The following EIF3E variants were observed in gnomAD, a reference collection of about 807,000 sequenced individuals.
EIF3E encodes eIF-3 p48.
A neutral mutation model predicts 59.3 loss-of-function variants in EIF3E; 25 were observed. The ratio of observed to expected loss-of-function variants is 0.42; its 90% CI spans 0.31 to 0.59. The LOEUF is 0.59. Among genes scored for constraint, EIF3E ranks in the 20% least tolerant of loss-of-function variants. The pLI is 0.15. For synonymous variants in EIF3E, 176 were observed against 170.2 expected (o/e 1.03, Z -0.26); for missense variants, 317 against 534.3 (o/e 0.59, Z 4.01).
chr8:108,243,739 G>T, intron 1 of EIF3E, among the ~76,000 whole-genome samples: 1 of 146,202 alleles, frequency 6.8e-6, no homozygotes, highest in Non-Finnish European at 1.5e-5. Context: ...AAAAAAATAT[G>T]TATCATTGAC....
At chr8:108,242,051 G>C (rs1815848455) in intron 1 of EIF3E, 138 bp from the exon 2 acceptor site, 4 of 1,269,574 alleles carry the variant, frequency 3.2e-6, no homozygotes, top group Non-Finnish European at 4.3e-6. Context: ...TTCCCCTCTT[G>C]TAATAATGGC....
chr8:108,220,251 G>C (rs1204358833), intron 7 of EIF3E, among the ~76,000 whole-genome samples: 1 of 152,078 alleles, frequency 6.6e-6, no homozygotes, highest in Non-Finnish European at 1.5e-5. Context: ...CATTTAGAAA[G>C]ACATGTACAA....
rs762263369 is a variant in EIF3E at position 108,248,678 on chromosome 8, G to A, written c.25C>T (p.Arg9Cys). 4 of 1,614,058 alleles carry A rather than the reference G, an allele frequency of 2.5e-6. No homozygotes were observed. The highest frequency in any genetic ancestry group is 3.3e-5 in the Admixed American group (2 of 60,002). ...TGCCGATCCAAAAAGTGCGCGATGC[G>A]AGTAGTCAAGTCGTACTCCGCCATC... MAEYDLTT[R>C]IAHFLDRHLV... is the part of the protein sequence containing the mutation. The change falls in exon 1 of 13, where the codon CGC (arginine) becomes TGC (cysteine). Residue 9 changes from arginine to cysteine, a missense_variant. Arg to Cys is a radical substitution (Grantham distance 180, BLOSUM62 -3). Coordinates refer to ENST00000220849, the MANE Select transcript of EIF3E (RefSeq NM_001568.3).
In EIF3E at chr8:108,248,684, T is replaced by C. The variant is rs764872968; in HGVS notation, c.19A>G (p.Thr7Ala). ...TCCAAAAAGTGCGCGATGCGAGTAGTCAAGTCGTACTCCGCCATCTTGCCA... is the reference window on the plus strand; with the variant it reads ...TCCAAAAAGTGCGCGATGCGAGTAGCCAAGTCGTACTCCGCCATCTTGCCA... MAEYDL[T>A]TRIAHFLDRH... is the part of the protein sequence containing the mutation. Residue 7 changes from threonine (T) to alanine (A), a missense_variant, in exon 1 of 13, where the codon ACT (threonine) becomes GCT (alanine). Physicochemically the swap from Thr to Ala is moderately conservative, Grantham distance 58. Coordinates refer to ENST00000220849, the MANE Select transcript of EIF3E (RefSeq NM_001568.3). 1 of 1,614,138 alleles carries C rather than the reference T, an allele frequency of 6.2e-7. No homozygotes were observed. The highest frequency in any genetic ancestry group is 2.2e-5 in the East Asian group (1 of 44,874).
intron 10 of EIF3E, among the ~76,000 whole-genome samples, chr8:108,204,782 CAG>C (rs1180539617): frequency 0.028 from 3,114 of 112,990 alleles, 150 homozygotes; most frequent in African/African-American, 0.1. Context: ...GAGAGAGAGA[CAG>C]AGAGAGAGAG....
At chr8:108,247,513 T>C (rs1424910284) in intron 1 of EIF3E, among the ~76,000 whole-genome samples, 2 of 152,226 alleles carry the variant, frequency 1.3e-5, no homozygotes, top group African/African-American at 2.4e-5. Flanking sequence ...AGCCGTTACC[T>C]AACGTCAACA....
rs567214767 is a variant in EIF3E, at chr8:108,201,714, T to G, written c.*171A>C. On this transcript the variant is annotated 3_prime_UTR_variant, in exon 13 of 13. Coordinates refer to ENST00000220849, the MANE Select transcript of EIF3E (RefSeq NM_001568.3). ...AAAAGAAAGTTAAAAAAACACAAACTTGCACATGCAAGAAAACTGACAGCA... is the reference window on the plus strand; with the variant it reads ...AAAAGAAAGTTAAAAAAACACAAACGTGCACATGCAAGAAAACTGACAGCA... 5.1e-6 allele frequency: 3 copies of G among 583,284 alleles called. No homozygotes were observed. In the African/African-American group the frequency reaches 5.9e-5, roughly 11 times the overall value. The allele number at this position is 583,284 out of a possible 1,614,324, so 36.1% of individuals were successfully genotyped here. A position where few individuals can be genotyped will look rare whatever the true frequency, so the allele number is the denominator to read the frequency against.
At chr8:108,214,773 T>C in intron 9 of EIF3E, 57 bp from the exon 10 acceptor site, 1 of 1,420,590 alleles carries the variant, frequency 7.0e-7, no homozygotes, top group Non-Finnish European at 9.7e-7. Flanking sequence ...GCCTGAAACG[T>C]GAATCAAATA....
intron 1 of EIF3E, chr8:108,242,325 C>G: frequency 4.7e-6 from 6 of 1,289,704 alleles, no homozygotes; most frequent in Non-Finnish European, 6.1e-6. Context: ...ATATGCTTCT[C>G]CATCCACATT....
intron 10 of EIF3E, among the ~76,000 whole-genome samples, chr8:108,209,858 T>C (rs1223835357): frequency 6.6e-6 from 1 of 152,130 alleles, no homozygotes; most frequent in East Asian, 1.9e-4. Flanking sequence ...AAAGAGCAGC[T>C]TGAAGGATCC....
intron 1 of EIF3E, among the ~76,000 whole-genome samples, chr8:108,248,034 G>C (rs1032512198): frequency 1.4e-5 from 2 of 137,958 alleles, no homozygotes; most frequent in African/African-American, 5.2e-5. Context: ...CTGGGGGGGG[G>C]GGCGGGGGAG....
chr8:108,207,744 C>A (rs916346004), intron 10 of EIF3E, among the ~76,000 whole-genome samples: 9 of 152,186 alleles, frequency 5.9e-5, no homozygotes, highest in Non-Finnish European at 5.9e-5. Context: ...ACACAAAACA[C>A]AACATCGAAT....
At chr8:108,224,912 A>C (rs1481592672) in intron 7 of EIF3E, among the ~76,000 whole-genome samples, 1 of 151,572 alleles carries the variant, frequency 6.6e-6, no homozygotes, top group Non-Finnish European at 1.5e-5. Flanking sequence ...AAAACACACA[A>C]AAAGTTTCAA....
At chr8:108,236,570 T>C (rs574741502) in intron 3 of EIF3E, among the ~76,000 whole-genome samples, 2 of 152,348 alleles carry the variant, frequency 1.3e-5, no homozygotes, top group East Asian at 3.9e-4. Context: ...TTTTGCTCTA[T>C]GTGGTCAAAT....
At chr8:108,213,444 T>C (rs1336899732) in intron 10 of EIF3E, among the ~76,000 whole-genome samples, 1 of 152,158 alleles carries the variant, frequency 6.6e-6, no homozygotes, top group African/African-American at 2.4e-5. Flanking sequence ...AAGGGTCAGC[T>C]TTCAAAAGGC....
intron 9 of EIF3E, among the ~76,000 whole-genome samples, 153 bp downstream of exon 9, chr8:108,216,259 A>C (rs1329173672): frequency 6.6e-6 from 1 of 152,224 alleles, no homozygotes; most frequent in Non-Finnish European, 1.5e-5. Flanking sequence ...TTTTAAGGTT[A>C]ATAAACATGA....
At chr8:108,238,995 C>T (rs1815787614) in intron 3 of EIF3E, among the ~76,000 whole-genome samples, 1 of 152,018 alleles carries the variant, frequency 6.6e-6, no homozygotes, top group African/African-American at 2.4e-5. Flanking sequence ...GAAACAGTAA[C>T]GTCTATTTGT....
At chr8:108,207,227 T>C (rs187861365) in intron 10 of EIF3E, among the ~76,000 whole-genome samples, 2 of 152,228 alleles carry the variant, frequency 1.3e-5, no homozygotes, top group East Asian at 1.9e-4. Context: ...TCTCAGCACT[T>C]TGGGAGGCCG....
chr8:108,241,765 C>T (rs748131857), intron 2 of EIF3E, 34 bp downstream of exon 2: 1 of 1,337,898 alleles, frequency 7.5e-7, no homozygotes. Flanking sequence ...CCTCAAGTCA[C>T]AAGACAAGTT....
Sources: allele counts gnomAD v4.1 joint callset (sites outside exome capture counted in the v4.1 genomes callset), GRCh38; gene constraint gnomAD v4.1.1; transcripts MANE v1.5; gene names NCBI Gene and HGNC (gene_info 2026-07-23, HGNC 2026-07-21).